Variants in MMD2 observed in about 807,000 individuals in gnomAD.
The protein encoded by MMD2 is monocyte to macrophage differentiation associated 2.
In MMD2, 30 loss-of-function variants were observed where a neutral mutation model predicts 33.5. The ratio of observed to expected loss-of-function variants is 0.90; its 90% CI spans 0.67 to 1.22. MMD2 has a LOEUF of 1.22. Among genes scored for constraint, MMD2 ranks in the 50% most tolerant of loss-of-function variants. The pLI is 0.00. For synonymous variants in MMD2, 129 were observed against 123.0 expected, an observed-to-expected ratio of 1.05 and a Z score of -0.32; for missense variants, 364 against 325.4, an observed-to-expected ratio of 1.12 and a Z score of -0.91.
At chr7:4,902,188 G>C (rs953114583), downstream of MMD2, among the ~76,000 whole-genome samples, 1 of 152,212 alleles carries the variant, frequency 6.6e-6, no homozygotes, top group Admixed American at 6.5e-5. Flanking sequence ...CTGGCCTCAA[G>C]TGATCCACCC....
downstream of MMD2, among the ~76,000 whole-genome samples, chr7:4,905,642 C>T (rs552895082): frequency 6.6e-6 from 1 of 152,172 alleles, no homozygotes; most frequent in East Asian, 1.9e-4. The surrounding 1 kb of genome is among the most constrained non-coding windows in gnomAD (Gnocchi z 5.0). Context: ...TAAACAACAC[C>T]CCAGAACCCC....
At chr7:4,915,849 G>A (rs1435314670) in intron 4 of MMD2, among the ~76,000 whole-genome samples, 156 bp downstream of exon 4, 2 of 115,128 alleles carry the variant, frequency 1.7e-5, no homozygotes, top group Non-Finnish European at 3.9e-5. Flanking sequence ...GTGGGTATAA[G>A]TAGCTGCTTC....
chr7:4,897,072 C>G, the MMD2 span, among the ~76,000 whole-genome samples: 2 of 151,892 alleles, frequency 1.3e-5, no homozygotes, highest in Non-Finnish European at 2.9e-5. Context: ...GTTGACTGAG[C>G]TAGTTTGGAA....
At chr7:4,920,727 T>G (rs1315566918) in intron 2 of MMD2, among the ~76,000 whole-genome samples, 2 of 119,328 alleles carry the variant, frequency 1.7e-5, no homozygotes, top group Non-Finnish European at 3.4e-5. Context: ...CCTTCCTCCC[T>G]TTCTCTCTTC....
At chr7:4,898,736 T>G in the MMD2 span, among the ~76,000 whole-genome samples, 1 of 151,968 alleles carries the variant, frequency 6.6e-6, no homozygotes, top group Non-Finnish European at 1.5e-5. Flanking sequence ...CTGTCTCTAT[T>G]AAAAATACAA....
intron 6 of MMD2, among the ~76,000 whole-genome samples, chr7:4,908,807 G>A (rs1784932769): frequency 6.6e-6 from 1 of 150,728 alleles, no homozygotes; most frequent in Non-Finnish European, 1.5e-5. Context: ...CAAGGCACGA[G>A]AATCACTTGA....
In MMD2 at chr7:4,940,338, A is replaced by G. The variant is rs1380871010; in HGVS notation, c.48-14806T>C. On this transcript the variant is annotated intron_variant, in intron 1 of 6. Coordinates refer to ENST00000401401, the MANE Select transcript of MMD2 (RefSeq NM_198403.4). This position sits in a 1 kb window ranked among gnomAD's most constrained non-coding sequence, Gnocchi z 5.0. ...CAGCTGGGGTCTATGGCCCCCAGAA[A>G]GAAGCCTGACCCCTTTCATGAATGA... is the stretch of plus-strand genomic sequence containing the variant. 6.6e-6 allele frequency among the ~76,000 whole-genome samples: 1 copy of G among 152,180 alleles called. No homozygotes were observed.
chr7:4,953,047 T>A (rs1196914331), intron 1 of MMD2, among the ~76,000 whole-genome samples: 1 of 151,982 alleles, frequency 6.6e-6, no homozygotes, highest in Admixed American at 6.6e-5. Flanking sequence ...GATATAATGG[T>A]CAGGGTGGTC....
chr7:4,929,860 A>C (rs1785529004), intron 1 of MMD2, among the ~76,000 whole-genome samples: 1 of 152,102 alleles, frequency 6.6e-6, no homozygotes, highest in African/African-American at 2.4e-5. Flanking sequence ...TAACAACGAA[A>C]ATAGTGATAT....
chr7:4,907,837 C>T (rs751740912), intron 6 of MMD2, among the ~76,000 whole-genome samples: 41 of 152,172 alleles, frequency 2.7e-4, no homozygotes, highest in African/African-American at 8.2e-4. Flanking sequence ...GACAGGGTCT[C>T]GGTCTGTTGC....
At chr7:4,953,088 G>C (rs1325416120) in intron 1 of MMD2, among the ~76,000 whole-genome samples, 2 of 151,806 alleles carry the variant, frequency 1.3e-5, no homozygotes, top group Admixed American at 1.3e-4. Flanking sequence ...AATCCACCGG[G>C]ATTACAGGCA....
the MMD2 span, among the ~76,000 whole-genome samples, chr7:4,900,214 A>G: frequency 2.0e-5 from 3 of 152,162 alleles, no homozygotes; most frequent in Non-Finnish European, 4.4e-5. Context: ...GGCAGCACTG[A>G]GTGCACCACT....
intron 5 of MMD2, among the ~76,000 whole-genome samples, chr7:4,910,577 C>T (rs1784979871): frequency 6.7e-6 from 1 of 148,894 alleles, no homozygotes. Context: ...ATGTGACCAC[C>T]CCCGCCTCCC....
intron 1 of MMD2, among the ~76,000 whole-genome samples, chr7:4,927,357 C>A (rs556169631): frequency 3.3e-5 from 5 of 152,000 alleles, no homozygotes; most frequent in Non-Finnish European, 7.4e-5. Context: ...CCAGCCTGGT[C>A]AACATGGTGA....
chr7:4,920,081 A>G, intron 3 of MMD2, 90 bp downstream of exon 3: 2 of 1,389,378 alleles, frequency 1.4e-6, no homozygotes, highest in Non-Finnish European at 1.9e-6. Flanking sequence ...CACCAGGCAG[A>G]CCGGATATCC....
chr7:4,931,166 T>C (rs905957005), intron 1 of MMD2, among the ~76,000 whole-genome samples: 1 of 151,922 alleles, frequency 6.6e-6, no homozygotes, highest in African/African-American at 2.4e-5. Flanking sequence ...TGTTGGTTTT[T>C]GTTTTTGTTT....
intron 1 of MMD2, among the ~76,000 whole-genome samples, chr7:4,947,787 C>T (rs371427298): frequency 4.7e-5 from 7 of 149,488 alleles, no homozygotes; most frequent in African/African-American, 1.5e-4. Flanking sequence ...GCAAACTCCA[C>T]CTCCCGGGTT....
chr7:4,923,754 C>T lies in MMD2; in HGVS notation c.129+1697G>A, dbSNP rs186809817. ...TTCTCAAATATTTTCCGAGCCCCTA[C>T]GATGCACACAGCATGGGACTTCAGA... On this transcript the variant is annotated intron_variant, in intron 2 of 6. Coordinates refer to ENST00000401401, the MANE Select transcript of MMD2 (RefSeq NM_198403.4). Among the ~76,000 whole-genome samples, 7 of 152,272 alleles carry T rather than the reference C, an allele frequency of 4.6e-5. No homozygotes were observed. The East Asian group carries it at 5.8e-4, about 13-fold the overall frequency.
downstream of MMD2, among the ~76,000 whole-genome samples, chr7:4,901,116 G>A (rs185171449): frequency 1.0e-4 from 15 of 149,912 alleles, no homozygotes; most frequent in Admixed American, 7.3e-4. Flanking sequence ...CTCCAGCCTG[G>A]GCGACATGAG....
Sources: gnomAD v4.1 joint callset for allele counts (sites outside exome capture counted in the v4.1 genomes callset) on GRCh38, gnomAD v4.1.1 for gene constraint, Gnocchi (gnomAD v3.1) non-coding constraint, MANE v1.5 for transcripts, NCBI Gene and HGNC (gene_info 2026-07-23, HGNC 2026-07-21) for gene names.